FRMD8: variants seen among roughly 807,000 people sequenced by gnomAD.
FRMD8 encodes FERM domain containing 8, also known as FERM domain-containing protein 8.
FRMD8 carries 37 observed loss-of-function variants against 54.2 expected under a neutral mutation model. That is an observed-to-expected ratio of 0.68 (90% CI 0.53 to 0.90). The LOEUF (loss-of-function observed/expected upper bound fraction) is 0.90. Ranked by LOEUF, FRMD8 falls within the 40% of genes least tolerant of loss-of-function variation. The pLI is 0.00. For synonymous variants in FRMD8, 246 were observed against 286.9 expected (o/e 0.86, Z 1.44); for missense variants, 585 against 653.7 (o/e 0.89, Z 1.15).
At chr11:65,409,265 T>G (rs1274746548) in intron 10 of FRMD8, among the ~76,000 whole-genome samples, 1 of 152,042 alleles carries the variant, frequency 6.6e-6, no homozygotes, top group Non-Finnish European at 1.5e-5. Flanking sequence ...TTTTGTATCT[T>G]TAGTAGAGAC....
At chr11:65,376,431 T>C in the FRMD8 span, 2 of 1,613,896 alleles carry the variant, frequency 1.2e-6, no homozygotes, top group African/African-American at 2.7e-5. Flanking sequence ...GGAGGAGATA[T>C]TCGTAGCTGA....
chr11:65,402,458 T>G (rs1223171777), intron 9 of FRMD8, among the ~76,000 whole-genome samples: 1 of 152,228 alleles, frequency 6.6e-6, no homozygotes, highest in East Asian at 1.9e-4. Context: ...TCTAAACCAC[T>G]GATATATGTG....
chr11:65,387,631 G>A (rs184609318), intron 2 of FRMD8, among the ~76,000 whole-genome samples: 5 of 151,966 alleles, frequency 3.3e-5, no homozygotes, highest in African/African-American at 1.2e-4. Context: ...CCCCGCCTTC[G>A]GGGTTCACGC....
Position 65,389,405 on chromosome 11 carries a change from C to G in FRMD8, c.130C>G (p.Leu44Val). The G allele has an allele frequency of 6.2e-7, 1 of 1,610,820 alleles. No homozygotes were observed. Residue 44 changes from leucine to valine, a missense_variant, in exon 3 of 11, where the codon CTG (leucine) becomes GTG (valine). Coordinates refer to ENST00000317568, the MANE Select transcript of FRMD8 (RefSeq NM_031904.5). ...VYLADDTVVP[L>V]AVENLPSLSA... ...CCTAGCGGATGACACGGTGGTGCCC[C>G]TGGCTGTGGAGAACCTGCCCTCGCT...
intron 2 of FRMD8, among the ~76,000 whole-genome samples, chr11:65,388,830 C>T (rs1855782740): frequency 6.6e-6 from 1 of 152,200 alleles, no homozygotes; most frequent in Non-Finnish European, 1.5e-5. Flanking sequence ...GCATCTTAGC[C>T]TCAGTCAGAG....
chr11:65,393,567 C>G lies in FRMD8; in HGVS notation c.254-6C>G. 1.2e-6 allele frequency: 2 copies of G among 1,606,646 alleles called. No individual in the cohort carries two copies. Among genetic ancestry groups the G allele is most frequent in the Non-Finnish European group, 1.7e-6 (2 of 1,179,232 alleles). On this transcript the variant is annotated splice_region_variant and splice_polypyrimidine_tract_variant and intron_variant, in intron 3 of 10. Transcript: ENST00000317568. ...TGCATGGGCCACTCCCCATCTCGTC[C>G]TGCAGAGGTGCAGCTGAAACCCAAG... is the stretch of plus-strand genomic sequence containing the variant.
chr11:65,374,099 C>A, the FRMD8 span, among the ~76,000 whole-genome samples: 1 of 152,148 alleles, frequency 6.6e-6, no homozygotes, highest in Admixed American at 6.5e-5. Flanking sequence ...TCACATAAGA[C>A]CAGGAGTTCG....
the FRMD8 span, chr11:65,377,508 G>T: frequency 2.6e-6 from 2 of 756,508 alleles, no homozygotes; most frequent in Non-Finnish European, 3.2e-6. Flanking sequence ...GGTGAAGGAG[G>T]TCCCCTCGTG....
At position 65,400,376 on chromosome 11, in the gene FRMD8, G is replaced by C. The variant is rs1474766574; in HGVS notation, c.928-348G>C. On this transcript the variant is annotated intron_variant, in intron 8 of 10. Coordinates refer to ENST00000317568, the MANE Select transcript of FRMD8 (RefSeq NM_031904.5). The surrounding 1 kb of genome is among the most constrained non-coding windows in gnomAD (Gnocchi z 4.3). Reference sequence around the variant, plus strand: ...AGGACCCCAGCCCCTGCTGCCATCTGTGTCCTGGGAGGCAGGGCCCAGCTC... The same window carrying C: ...AGGACCCCAGCCCCTGCTGCCATCTCTGTCCTGGGAGGCAGGGCCCAGCTC... Among the ~76,000 whole-genome samples the C allele has an allele frequency of 6.6e-6, 1 of 152,186 alleles. No individual in the cohort carries two copies. Among genetic ancestry groups the C allele is most frequent in the African/African-American group, 2.4e-5 (1 of 41,446 alleles).
At chr11:65,399,670 G>T in intron 7 of FRMD8, 66 bp from the exon 8 acceptor site, 2 of 1,579,184 alleles carry the variant, frequency 1.3e-6, no homozygotes, top group Non-Finnish European at 8.6e-7. Flanking sequence ...CCCAGGTTGG[G>T]GCCTCGAGCA....
At position 65,389,503 on chromosome 11, in the gene FRMD8, G is replaced by T. The variant is rs371990682; in HGVS notation, c.228G>T (p.Ala76=). 6.3e-7 allele frequency: 1 copy of T among 1,599,056 alleles called. No homozygotes were observed. Among genetic ancestry groups the T allele is most frequent in the Non-Finnish European group, 8.5e-7 (1 of 1,176,562 alleles). The change falls in exon 3 of 11, where the codon GCG becomes GCT. Residue 76 remains alanine (A), a synonymous_variant. Coordinates refer to ENST00000317568, the MANE Select transcript of FRMD8 (RefSeq NM_031904.5). ...QLPDIALDVF[A]LWLVSPLLEV... ...CAGACATCGCCCTGGATGTCTTCGC[G>T]CTCTGGCTGGTCTCCCCTCTGCTGG...
chr11:65,387,784 T>C (rs1262978381), intron 2 of FRMD8, among the ~76,000 whole-genome samples: 1 of 152,112 alleles, frequency 6.6e-6, no homozygotes, highest in Non-Finnish European at 1.5e-5. Flanking sequence ...GTGATCTGCC[T>C]GCCTCAGCCT....
At chr11:65,407,716 T>C (rs558280914) in intron 10 of FRMD8, among the ~76,000 whole-genome samples, 28 of 151,768 alleles carry the variant, frequency 1.8e-4, no homozygotes, top group South Asian at 2.1e-4. Flanking sequence ...GGTGAAACCC[T>C]GTCTCTACTA....
Position 65,404,952 on chromosome 11 carries a change from C to T in FRMD8, c.1160C>T (p.Ser387Leu), listed in dbSNP as rs139552682. ...PAGPQDSATG[S>L]PSDPSSSLAP... ...GGCCCCCAGGACAGTGCGACTGGCT[C>T]GCCCTCGGACCCCAGCTCCTCACTG... Residue 387 changes from serine (S) to leucine (L), a missense_variant, in exon 10 of 11, where the codon TCG (serine) becomes TTG (leucine). Physicochemically the swap from Ser to Leu is moderately radical, Grantham distance 145. Transcript: ENST00000317568. This position sits in a 1 kb window ranked among gnomAD's most constrained non-coding sequence, Gnocchi z 4.7. The T allele has an allele frequency of 5.8e-5, 94 of 1,613,074 alleles. No homozygotes were observed. The highest frequency in any genetic ancestry group is 1.6e-4 in the Middle Eastern group (1 of 6,084).
In FRMD8 at chr11:65,411,510, T is replaced by C. The variant is rs1856333039; in HGVS notation, c.*150T>C. 1.8e-6 allele frequency: 1 copy of C among 552,542 alleles called. No individual in the cohort carries two copies. The highest frequency in any genetic ancestry group is 1.9e-5 in the African/African-American group (1 of 51,704). 34.2% of individuals were successfully genotyped at this position (552,542 alleles called of 1,614,324 possible). A position where few individuals can be genotyped will look rare whatever the true frequency, so the allele number is the denominator to read the frequency against. ...TTCTCAGACCACGGAGAAGTGACTT[T>C]TGGGCCCGGGGCCATGCCCGGGCTG... is the stretch of plus-strand genomic sequence containing the variant. On this transcript the variant is annotated 3_prime_UTR_variant, in exon 11 of 11. Transcript: ENST00000317568.
chr11:65,380,137 C>T, the FRMD8 span: 3 of 1,614,090 alleles, frequency 1.9e-6, no homozygotes, highest in Middle Eastern at 1.7e-4. Context: ...CTCACCTTTA[C>T]AGTGTCAAAC....
chr11:65,412,766 G>A lies in FRMD8; in HGVS notation c.*1406G>A, dbSNP rs556221905. The A allele has an allele frequency of 6.6e-6, 1 of 152,248 alleles. No homozygotes were observed. The highest frequency in any genetic ancestry group is 2.1e-4 in the South Asian group (1 of 4,834). 9.4% of individuals were successfully genotyped at this position (152,248 alleles called of 1,614,324 possible). ...TTGTGAATGTGCCAGGTGTTTCGAG[G>A]TAGGCTTGCCTTCTGGCAGCATGGA... On this transcript the variant is annotated 3_prime_UTR_variant, in exon 11 of 11. Coordinates refer to ENST00000317568, the MANE Select transcript of FRMD8 (RefSeq NM_031904.5).
At chr11:65,393,529 A>G in intron 3 of FRMD8, 44 bp from the exon 4 acceptor site, 2 of 1,455,948 alleles carry the variant, frequency 1.4e-6, no homozygotes, top group South Asian at 2.3e-5. Flanking sequence ...CAGCCACTGG[A>G]CTGGCCGGAG....
chr11:65,376,937 G>A, the FRMD8 span: 427 of 1,613,166 alleles, frequency 2.6e-4, no homozygotes, highest in Non-Finnish European at 3.4e-4. Context: ...CAGCCCCCGG[G>A]GCCCCTCCTC....
Sources: allele counts gnomAD v4.1 joint callset (sites outside exome capture counted in the v4.1 genomes callset), GRCh38; gene constraint gnomAD v4.1.1; non-coding constraint Gnocchi (gnomAD v3.1); transcripts MANE v1.5; gene names NCBI Gene and HGNC (gene_info 2026-07-23, HGNC 2026-07-21).